Variants in SOX5 observed in about 807,000 individuals in gnomAD.
SOX5 encodes the protein transcription factor SOX-5.
A neutral mutation model predicts 92.0 loss-of-function variants in SOX5; 9 were observed. That is an observed-to-expected ratio of 0.10 (90% CI 0.06 to 0.17). SOX5 has a LOEUF of 0.17. Ranked by LOEUF, SOX5 falls within the 10% of genes least tolerant of loss-of-function variation. The probability of loss-of-function intolerance (pLI) is 1.00; values close to 1 mark genes in which losing one functional copy is unlikely to be tolerated. For synonymous variants in SOX5, 344 were observed against 336.3 expected (o/e 1.02, Z -0.25); for missense variants, 642 against 944.5 (o/e 0.68, Z 4.20).
rs529064282 is a variant in SOX5, at chr12:23,531,605, T to A, written c.*2614A>T. On this transcript the variant is annotated 3_prime_UTR_variant, in exon 15 of 15. Coordinates refer to ENST00000451604, the MANE Select transcript of SOX5 (RefSeq NM_006940.6). ...TAACAAAGACAGAGAACAAATTTTT[T>A]AAAAATCTGTTTTCACATTGTACAT... is the stretch of plus-strand genomic sequence containing the variant. The A allele has an allele frequency of 5.9e-5, 9 of 152,362 alleles. No homozygotes were observed. Among genetic ancestry groups the A allele is most frequent in the African/African-American group, 2.2e-4 (9 of 41,598 alleles). The allele number at this position is 152,362 out of a possible 1,614,324, so 9.4% of individuals were successfully genotyped here. A position where few individuals can be genotyped will look rare whatever the true frequency, so the allele number is the denominator to read the frequency against.
At chr12:23,758,879 G>A (rs964385029) in intron 3 of SOX5, among the ~76,000 whole-genome samples, 1 of 151,896 alleles carries the variant, frequency 6.6e-6, no homozygotes, top group Admixed American at 6.6e-5. Flanking sequence ...ACCATGGGAC[G>A]ATGCAGCAAG....
intron 3 of SOX5, among the ~76,000 whole-genome samples, chr12:23,785,734 C>T (rs983588843): frequency 6.6e-6 from 1 of 152,024 alleles, no homozygotes; most frequent in African/African-American, 2.4e-5. Flanking sequence ...TATACATATG[C>T]CCAGACACAA....
chr12:24,372,171 C>T (rs1956804574), intron 1 of SOX5, among the ~76,000 whole-genome samples: 3 of 152,122 alleles, frequency 2.0e-5, no homozygotes, highest in Non-Finnish European at 2.9e-5. Flanking sequence ...TTCTGGGGTA[C>T]ATGTGCAGAA....
chr12:24,248,016 C>T (rs991151937), intron 3 of SOX5, among the ~76,000 whole-genome samples: 3 of 152,132 alleles, frequency 2.0e-5, no homozygotes, highest in Non-Finnish European at 2.9e-5. Context: ...TAAGCTACTT[C>T]TTATACTGTC....
At chr12:24,231,353 G>A (rs1963360498) in intron 3 of SOX5, among the ~76,000 whole-genome samples, 1 of 152,174 alleles carries the variant, frequency 6.6e-6, no homozygotes, top group Non-Finnish European at 1.5e-5. Flanking sequence ...TTTTGTGACT[G>A]ATTTTCTTAC....
chr12:23,979,698 G>GTTTTTTTGTTTT lies in SOX5; in HGVS notation c.-1-83675_-1-83674insAAAACAAAAAAA, dbSNP rs1949313537. The stretch of plus-strand genomic sequence containing the variant: ...TTCTTCCTTCCATATATATATATAT[G>GTTTTTTTGTTTT]TTTTTTTTGTTTTTTTTTTTTTTTT... On this transcript the variant is annotated intron_variant, in intron 4 of 4. Transcript: ENST00000446891. Among the ~76,000 whole-genome samples, 18 of 64,690 alleles carry GTTTTTTTGTTTT rather than the reference G, an allele frequency of 2.8e-4. 1 individual carries two copies. Among genetic ancestry groups the GTTTTTTTGTTTT allele is most frequent in the Admixed American group, 6.2e-4 (2 of 3,252 alleles). The allele number at this position is 64,690 out of a possible 152,430, so 42.4% of individuals were successfully genotyped here.
intron 1 of SOX5, among the ~76,000 whole-genome samples, chr12:24,542,437 T>G (rs544525867): frequency 6.6e-6 from 1 of 152,322 alleles, no homozygotes; most frequent in East Asian, 1.9e-4. Context: ...TCGATAGCAC[T>G]TATCACTATA....
At chr12:24,191,406 T>G (rs1956513425) in intron 4 of SOX5, among the ~76,000 whole-genome samples, 1 of 152,240 alleles carries the variant, frequency 6.6e-6, no homozygotes, top group Non-Finnish European at 1.5e-5. Context: ...GAGAGTCTGC[T>G]GCTTGTGCCA....
intron 4 of SOX5, among the ~76,000 whole-genome samples, chr12:24,090,313 G>C (rs1944490300): frequency 6.6e-6 from 1 of 151,900 alleles, no homozygotes. Flanking sequence ...AATGATAGTT[G>C]GCTAACGAAA....
intron 1 of SOX5, among the ~76,000 whole-genome samples, chr12:24,464,620 C>A (rs1424314899): frequency 2.0e-5 from 3 of 152,172 alleles, no homozygotes; most frequent in African/African-American, 4.8e-5. Flanking sequence ...GGATTACAGG[C>A]GTGAGCCACC....
At chr12:23,982,858 G>C (rs1248799827) in intron 4 of SOX5, among the ~76,000 whole-genome samples, 2 of 151,794 alleles carry the variant, frequency 1.3e-5, no homozygotes, top group Non-Finnish European at 2.9e-5. Flanking sequence ...CCAGTATATA[G>C]GTAGCACATC....
intron 1 of SOX5, among the ~76,000 whole-genome samples, chr12:24,452,529 T>C (rs1160532679): frequency 6.6e-6 from 1 of 152,114 alleles, no homozygotes; most frequent in Non-Finnish European, 1.5e-5. Context: ...CCCTTGAGTT[T>C]CTAGGAAATC....
chr12:23,646,140 A>G (rs2080820062), intron 7 of SOX5, among the ~76,000 whole-genome samples: 2 of 152,098 alleles, frequency 1.3e-5, no homozygotes, highest in African/African-American at 4.8e-5. Context: ...TGGCTGTTGA[A>G]GGTTAGGGTA....
intron 4 of SOX5, among the ~76,000 whole-genome samples, chr12:24,102,539 C>T (rs1284511843): frequency 6.6e-6 from 1 of 152,108 alleles, no homozygotes; most frequent in Non-Finnish European, 1.5e-5. Flanking sequence ...ATGGTATATT[C>T]AGTTGTTAGA....
chr12:23,914,343 C>A (rs551613384), intron 1 of SOX5, among the ~76,000 whole-genome samples: 42 of 152,124 alleles, frequency 2.8e-4, no homozygotes, highest in Non-Finnish European at 5.1e-4. Context: ...ATGATGCTTT[C>A]CAGTTATAAT....
intron 3 of SOX5, among the ~76,000 whole-genome samples, chr12:23,769,456 C>CCCA (rs980646236): frequency 1.2e-4 from 19 of 152,192 alleles, no homozygotes; most frequent in Admixed American, 1.2e-3. Context: ...ATCCTTTAAG[C>CCCA]CCACCAGCTC....
intron 1 of SOX5, among the ~76,000 whole-genome samples, chr12:23,905,067 T>C (rs1325306488): frequency 6.6e-6 from 1 of 152,224 alleles, no homozygotes; most frequent in Non-Finnish European, 1.5e-5. Flanking sequence ...ATTCTTGTCA[T>C]TATCTGAAAG....
chr12:24,110,478 A>G (rs757604700), intron 4 of SOX5, among the ~76,000 whole-genome samples: 4 of 152,160 alleles, frequency 2.6e-5, no homozygotes, highest in African/African-American at 4.8e-5. Flanking sequence ...GACAATAACA[A>G]CCACTCATTT....
At chr12:23,902,475 T>A (rs1428811947) in intron 1 of SOX5, among the ~76,000 whole-genome samples, 1 of 152,130 alleles carries the variant, frequency 6.6e-6, no homozygotes, top group East Asian at 1.9e-4. Context: ...GAAACTCAAA[T>A]TCCAGTTCTT....
Sources: gnomAD v4.1 joint callset for allele counts (sites outside exome capture counted in the v4.1 genomes callset) on GRCh38, gnomAD v4.1.1 for gene constraint, MANE v1.5 for transcripts, NCBI Gene and HGNC (gene_info 2026-07-23, HGNC 2026-07-21) for gene names.